Variants in STXBP4 observed in about 807,000 individuals in gnomAD.
The protein encoded by STXBP4 is syntaxin-binding protein 4.
In STXBP4, 55 loss-of-function variants were observed where a neutral mutation model predicts 76.1. The observed-to-expected ratio is 0.72, with a 90% confidence interval of 0.58 to 0.91. The LOEUF is 0.91. STXBP4 is among the 40% of genes least tolerant of loss of function. The probability of loss-of-function intolerance (pLI) is 0.00; values close to 1 mark genes in which losing one functional copy is unlikely to be tolerated. For missense variants in STXBP4, 618 were observed against 636.9 expected, an observed-to-expected ratio of 0.97 and a Z score of 0.32; for synonymous variants, 201 against 220.2, an observed-to-expected ratio of 0.91 and a Z score of 0.77.
chr17:54,997,559 T>C (rs2077827159), intron 4 of STXBP4, among the ~76,000 whole-genome samples: 1 of 146,004 alleles, frequency 6.8e-6, no homozygotes, highest in African/African-American at 2.5e-5. Flanking sequence ...AATATAAATA[T>C]ATATATTATA....
chr17:55,075,653 G>T (rs902329428), intron 13 of STXBP4, among the ~76,000 whole-genome samples: 4 of 152,062 alleles, frequency 2.6e-5, no homozygotes, highest in Non-Finnish European at 5.9e-5. Context: ...AAGAATTATT[G>T]TTTACCCCGC....
chr17:55,104,714 C>T (rs148938713), intron 16 of STXBP4, among the ~76,000 whole-genome samples: 4 of 152,154 alleles, frequency 2.6e-5, no homozygotes, highest in African/African-American at 9.7e-5. Flanking sequence ...ACCAGCTCCT[C>T]TTTGTACCTC....
At chr17:55,043,699 T>C (rs2078742213) in intron 11 of STXBP4, 1 of 1,516,864 alleles carries the variant, frequency 6.6e-7, no homozygotes, top group African/African-American at 1.4e-5. Context: ...ACATTTTTTT[T>C]CATGTGCAGG....
At chr17:55,040,074 C>T (rs570608978) in intron 10 of STXBP4, among the ~76,000 whole-genome samples, 1 of 151,954 alleles carries the variant, frequency 6.6e-6, no homozygotes, top group Non-Finnish European at 1.5e-5. Context: ...AAGGAGTAGA[C>T]ATGAAAGTAA....
At chr17:55,115,879 G>A (rs1001732548) in intron 16 of STXBP4, among the ~76,000 whole-genome samples, 1 of 151,806 alleles carries the variant, frequency 6.6e-6, no homozygotes, top group Non-Finnish European at 1.5e-5. Context: ...ATTCAAAGCT[G>A]AACTAAATTT....
At chr17:55,027,866 C>T (rs1413303278) in intron 8 of STXBP4, among the ~76,000 whole-genome samples, 1 of 152,088 alleles carries the variant, frequency 6.6e-6, no homozygotes, top group Non-Finnish European at 1.5e-5. Context: ...CAGTTTTATG[C>T]TGCTTAAGTG....
At chr17:55,190,011 G>A in the STXBP4 span, among the ~76,000 whole-genome samples, 1 of 152,158 alleles carries the variant, frequency 6.6e-6, no homozygotes, top group Non-Finnish European at 1.5e-5. Flanking sequence ...GTAGGCCACT[G>A]GAGAAAAGAA....
rs548969807 is a variant in STXBP4, at chr17:55,166,186, T to C, written c.*6275T>C. The C allele has an allele frequency of 3.9e-4, 60 of 152,320 alleles. No homozygotes were observed. The highest frequency in any genetic ancestry group is 1.3e-3 in the African/African-American group (56 of 41,570). 9.4% of individuals were successfully genotyped at this position (152,320 alleles called of 1,614,324 possible). ...CTTCCTTAGGCAGCGATTTACCTAA[T>C]TGGTGAGTTTAGGATTAAAAAAAGG... On this transcript the variant is annotated 3_prime_UTR_variant, in exon 18 of 18. Coordinates refer to ENST00000376352, the MANE Select transcript of STXBP4 (RefSeq NM_178509.6).
chr17:55,152,401 G>A lies in STXBP4; in HGVS notation c.1548-7396G>A, dbSNP rs528274974. Among the ~76,000 whole-genome samples, 9 of 152,306 alleles carry A rather than the reference G, an allele frequency of 5.9e-5. No individual in the cohort carries two copies. The South Asian group carries it at 1.9e-3, about 32-fold the overall frequency. The stretch of plus-strand genomic sequence containing the variant: ...TTCATACAAGTACTTTTTATTCATG[G>A]TCATCCAGATAACAATTCTTATGCA... On this transcript the variant is annotated intron_variant, in intron 17 of 17. Coordinates refer to ENST00000376352, the MANE Select transcript of STXBP4 (RefSeq NM_178509.6).
chr17:55,146,595 T>C (rs1423328009), intron 17 of STXBP4, among the ~76,000 whole-genome samples: 1 of 152,154 alleles, frequency 6.6e-6, no homozygotes. Context: ...CTGGTGCCTG[T>C]AGTCCCAGCT....
At chr17:55,024,287 A>G (rs1444744845) in intron 8 of STXBP4, among the ~76,000 whole-genome samples, 3 of 152,226 alleles carry the variant, frequency 2.0e-5, no homozygotes, top group Non-Finnish European at 4.4e-5. Context: ...CACTAGAGAA[A>G]TTCTAGTGCC....
At chr17:55,151,439 C>G (rs2080216567) in intron 17 of STXBP4, among the ~76,000 whole-genome samples, 1 of 152,180 alleles carries the variant, frequency 6.6e-6, no homozygotes, top group South Asian at 2.1e-4. Context: ...TACCCAGCTG[C>G]CACATACCTG....
chr17:55,177,328 T>A (rs1196025109), downstream of STXBP4, among the ~76,000 whole-genome samples: 1 of 152,134 alleles, frequency 6.6e-6, no homozygotes, highest in African/African-American at 2.4e-5. Context: ...GCCAAGTGTC[T>A]CAACCTCCCT....
the STXBP4 span, among the ~76,000 whole-genome samples, chr17:55,208,980 G>A: frequency 3.6e-3 from 544 of 152,112 alleles, 5 homozygotes; most frequent in African/African-American, 0.013. Context: ...TACTCAGGAG[G>A]CTGAGGCAGG....
At chr17:55,146,763 G>T (rs2080160684) in intron 17 of STXBP4, among the ~76,000 whole-genome samples, 1 of 152,144 alleles carries the variant, frequency 6.6e-6, no homozygotes, top group Middle Eastern at 3.4e-3. Flanking sequence ...GCTGGCTGGA[G>T]TATTTGGTCC....
intron 8 of STXBP4, among the ~76,000 whole-genome samples, chr17:55,026,972 G>A (rs1409455101): frequency 2.0e-5 from 3 of 152,114 alleles, no homozygotes; most frequent in Non-Finnish European, 2.9e-5. Context: ...CTTATGACCT[G>A]GGGCAGTTTT....
At chr17:55,027,021 C>G (rs539827538) in intron 8 of STXBP4, among the ~76,000 whole-genome samples, 1 of 152,208 alleles carries the variant, frequency 6.6e-6, no homozygotes, top group African/African-American at 2.4e-5. Context: ...TGCTGCTAGC[C>G]AATACCGCAA....
At chr17:55,004,219 G>T (rs1297812219) in intron 7 of STXBP4, among the ~76,000 whole-genome samples, 1 of 151,704 alleles carries the variant, frequency 6.6e-6, no homozygotes, top group Non-Finnish European at 1.5e-5. Context: ...AAGAAATACA[G>T]TCATTATTTT....
intron 8 of STXBP4, among the ~76,000 whole-genome samples, chr17:55,022,295 T>C (rs1462840280): frequency 6.9e-6 from 1 of 145,922 alleles, no homozygotes; most frequent in East Asian, 2.0e-4. Context: ...ATATATACTT[T>C]CTGTTATTTT....
Sources: gnomAD v4.1 joint callset for allele counts (sites outside exome capture counted in the v4.1 genomes callset) on GRCh38, gnomAD v4.1.1 for gene constraint, MANE v1.5 for transcripts, NCBI Gene and HGNC (gene_info 2026-07-23, HGNC 2026-07-21) for gene names.